The following RBFOX1 variants were observed in gnomAD, a reference collection of about 807,000 sequenced individuals.
RBFOX1 encodes the protein RNA binding protein fox-1 homolog 1.
A neutral mutation model predicts 57.7 loss-of-function variants in RBFOX1; 8 were observed. The observed-to-expected ratio is 0.14, with a 90% CI of 0.08 to 0.25. The LOEUF is 0.25. Ranked by LOEUF, RBFOX1 falls within the 10% of genes least tolerant of loss-of-function variation. The probability of loss-of-function intolerance (pLI) is 1.00; values close to 1 mark genes in which losing one functional copy is unlikely to be tolerated. For missense variants in RBFOX1, 611 were observed against 548.5 expected, an observed-to-expected ratio of 1.11 and a Z score of -1.14; for synonymous variants, 326 against 222.4, an observed-to-expected ratio of 1.47 and a Z score of -4.15.
chr16:7,200,814 A>G (rs1001426203), intron 4 of RBFOX1, among the ~76,000 whole-genome samples: 1 of 152,130 alleles, frequency 6.6e-6, no homozygotes, highest in African/African-American at 2.4e-5. Flanking sequence ...TGATGAAAAC[A>G]CCATAGGCCC....
At chr16:7,511,639 G>A (rs927695632) in intron 4 of RBFOX1, among the ~76,000 whole-genome samples, 5 of 151,300 alleles carry the variant, frequency 3.3e-5, no homozygotes, top group African/African-American at 9.7e-5. Context: ...TTGCTTTTAT[G>A]AATCAGACTT....
intron 2 of RBFOX1, among the ~76,000 whole-genome samples, chr16:5,581,828 A>G (rs542899031): frequency 4.3e-4 from 65 of 152,252 alleles, no homozygotes; most frequent in African/African-American, 1.5e-3. Context: ...GGGCCCAGGT[A>G]AGGTGTTAGG....
At chr16:5,992,789 C>A (rs747382695) in intron 4 of RBFOX1, among the ~76,000 whole-genome samples, 1 of 152,092 alleles carries the variant, frequency 6.6e-6, no homozygotes, top group East Asian at 1.9e-4. Context: ...CAAAAATTAG[C>A]TGGGCATGGT....
intron 3 of RBFOX1, among the ~76,000 whole-genome samples, chr16:6,950,333 C>G (rs1008071031): frequency 2.0e-5 from 3 of 152,088 alleles, no homozygotes; most frequent in Admixed American, 2.0e-4. Context: ...ATTGCTTTAT[C>G]CCATAGAATC....
intron 1 of RBFOX1, among the ~76,000 whole-genome samples, chr16:6,154,419 A>G (rs1004123751): frequency 6.6e-6 from 1 of 152,260 alleles, no homozygotes; most frequent in African/African-American, 2.4e-5. Flanking sequence ...TAACTGTAAA[A>G]TAACTATGAC....
At chr16:6,672,889 C>G (rs1320530492) in intron 3 of RBFOX1, among the ~76,000 whole-genome samples, 4 of 152,090 alleles carry the variant, frequency 2.6e-5, no homozygotes, top group Non-Finnish European at 5.9e-5. Context: ...TCCCAAGAGA[C>G]CCATTGACTA....
intron 2 of RBFOX1, among the ~76,000 whole-genome samples, chr16:5,591,890 T>C (rs1435348759): frequency 6.6e-6 from 1 of 152,176 alleles, no homozygotes; most frequent in African/African-American, 2.4e-5. Flanking sequence ...ACTCGAAAAA[T>C]GGAATCCCTA....
At chr16:5,990,738 C>A (rs967433344) in intron 4 of RBFOX1, among the ~76,000 whole-genome samples, 2 of 152,188 alleles carry the variant, frequency 1.3e-5, no homozygotes, top group Non-Finnish European at 2.9e-5. Context: ...AAGGCTGAGG[C>A]GGGCAGATCG....
intron 3 of RBFOX1, among the ~76,000 whole-genome samples, chr16:7,044,486 C>T (rs1199875889): frequency 1.3e-5 from 2 of 152,148 alleles, no homozygotes; most frequent in Non-Finnish European, 2.9e-5. Context: ...TGAATCCCTG[C>T]TATTAAACAT....
intron 3 of RBFOX1, among the ~76,000 whole-genome samples, chr16:6,688,634 A>C (rs1404664702): frequency 6.6e-6 from 1 of 152,094 alleles, no homozygotes; most frequent in African/African-American, 2.4e-5. Flanking sequence ...GCAGATTGGT[A>C]TTCTTTATTT....
intron 2 of RBFOX1, among the ~76,000 whole-genome samples, chr16:6,542,203 G>C (rs1308692672): frequency 6.6e-6 from 1 of 152,082 alleles, no homozygotes; most frequent in African/African-American, 2.4e-5. Flanking sequence ...TGGGATTACA[G>C]GTGTGAGCTA....
At chr16:5,965,720 A>AT (rs2059829965) in intron 4 of RBFOX1, among the ~76,000 whole-genome samples, 1 of 152,130 alleles carries the variant, frequency 6.6e-6, no homozygotes, top group South Asian at 2.1e-4. Context: ...GCAGACTCTA[A>AT]TTTTGCCTCT....
At chr16:7,138,490 T>G (rs368989463) in intron 4 of RBFOX1, among the ~76,000 whole-genome samples, 3 of 152,324 alleles carry the variant, frequency 2.0e-5, no homozygotes, top group Admixed American at 6.5e-5. Context: ...AGAATGAGCA[T>G]GCACATCTCT....
At position 5,401,052 on chromosome 16, in the gene RBFOX1, A is replaced by C. The variant is rs139004731; in HGVS notation, c.220-66164A>C. 7.2e-5 allele frequency among the ~76,000 whole-genome samples: 11 copies of C among 152,244 alleles called. No individual in the cohort carries two copies. The East Asian group carries it at 1.7e-3, about 24-fold the overall frequency. On this transcript the variant is annotated intron_variant, in intron 1 of 2. Transcript: ENST00000585867. ...TCATTAAGTATTTTTATGATGGTTC[A>C]AAGGAGATTTTTTAAAAATTTTAAG... is the stretch of plus-strand genomic sequence containing the variant.
chr16:7,504,009 G>C (rs1029159770), intron 4 of RBFOX1, among the ~76,000 whole-genome samples: 1 of 152,108 alleles, frequency 6.6e-6, no homozygotes, highest in African/African-American at 2.4e-5. Flanking sequence ...CGGTGCCCAA[G>C]ATCACCTTCT....
chr16:6,708,765 G>A (rs1423614735), intron 3 of RBFOX1, among the ~76,000 whole-genome samples: 1 of 152,188 alleles, frequency 6.6e-6, no homozygotes. Context: ...TCGACTGGCT[G>A]TGGGGAAGGT....
intron 2 of RBFOX1, among the ~76,000 whole-genome samples, chr16:5,559,000 C>G (rs534562675): frequency 1.8e-4 from 28 of 152,054 alleles, no homozygotes; most frequent in Non-Finnish European, 3.2e-4. Flanking sequence ...CACTCTCACA[C>G]TTTTTGAAAT....
intron 1 of RBFOX1, among the ~76,000 whole-genome samples, chr16:6,205,707 C>T (rs571315637): frequency 1.3e-5 from 2 of 151,974 alleles, no homozygotes; most frequent in African/African-American, 4.8e-5. Context: ...TCTCTTTTTT[C>T]TATTTCTTTG....
At chr16:6,733,509 G>A (rs1349775503) in intron 3 of RBFOX1, among the ~76,000 whole-genome samples, 1 of 152,172 alleles carries the variant, frequency 6.6e-6, no homozygotes, top group Admixed American at 6.5e-5. Flanking sequence ...GGTCAAGCTA[G>A]TCAACATTTT....
Sources: allele counts gnomAD v4.1 joint callset (sites outside exome capture counted in the v4.1 genomes callset), GRCh38; gene constraint gnomAD v4.1.1; transcripts MANE v1.5; gene names NCBI Gene and HGNC (gene_info 2026-07-23, HGNC 2026-07-21).